Variants in CDH18 observed in about 807,000 individuals in gnomAD.
The protein encoded by CDH18 is cadherin 18.
A neutral mutation model predicts 67.9 loss-of-function variants in CDH18; 31 were observed. The ratio of observed to expected loss-of-function variants is 0.46; its 90% confidence interval spans 0.34 to 0.62. The LOEUF is 0.62. CDH18 is among the 20% of genes least tolerant of loss of function. The pLI is 0.01. For synonymous variants in CDH18, 362 were observed against 347.2 expected, an observed-to-expected ratio of 1.04 and a Z score of -0.48; for missense variants, 890 against 975.5, an observed-to-expected ratio of 0.91 and a Z score of 1.17.
intron 2 of CDH18, among the ~76,000 whole-genome samples, chr5:20,196,418 T>C (rs550001689): frequency 6.6e-6 from 1 of 152,262 alleles, no homozygotes; most frequent in African/African-American, 2.4e-5. Flanking sequence ...GGCTAATATG[T>C]GAGGGATCCA....
intron 1 of CDH18, among the ~76,000 whole-genome samples, chr5:20,286,866 T>C (rs1746733624): frequency 1.3e-5 from 2 of 151,768 alleles, no homozygotes; most frequent in African/African-American, 4.8e-5. Flanking sequence ...AGTGATTGAG[T>C]AAAATAAAAG....
intron 2 of CDH18, among the ~76,000 whole-genome samples, chr5:20,120,464 T>C (rs1748267501): frequency 6.6e-6 from 1 of 152,166 alleles, no homozygotes; most frequent in Non-Finnish European, 1.5e-5. Context: ...TCAAGTATTT[T>C]GTTTAATTGG....
Position 19,473,497 on chromosome 5 carries a change from T to G in CDH18, c.2102A>C (p.His701Pro). 1 of 1,613,752 alleles carries G rather than the reference T, an allele frequency of 6.2e-7. No individual in the cohort carries two copies. The highest frequency in any genetic ancestry group is 2.2e-5 in the East Asian group (1 of 44,852). The change falls in exon 13 of 13, where the codon CAC becomes CCC. Residue 701 changes from histidine (H) to proline (P), a missense_variant. Physicochemically the swap from His to Pro is moderately conservative, Grantham distance 77. Coordinates refer to ENST00000382275, the MANE Select transcript of CDH18 (RefSeq NM_004934.5). ...IRPEVKLTPR[H>P]QTSSTLESID... The stretch of plus-strand genomic sequence containing the variant: ...GCTTTCCAGGGTGGATGATGTCTGG[T>G]GTCTGGGAGTGAGCTTCACTTCAGG...
chr5:20,057,755 A>G (rs1433607595), intron 2 of CDH18, among the ~76,000 whole-genome samples: 3 of 151,956 alleles, frequency 2.0e-5, no homozygotes, highest in East Asian at 3.9e-4. Flanking sequence ...TTTTTTTTCT[A>G]ATTTGTTTCA....
chr5:20,099,555 T>C (rs999911731), intron 2 of CDH18, among the ~76,000 whole-genome samples: 1 of 152,004 alleles, frequency 6.6e-6, no homozygotes, highest in African/African-American at 2.4e-5. Context: ...ATCTATCTAC[T>C]CAGAATTATT....
intron 5 of CDH18, among the ~76,000 whole-genome samples, chr5:19,711,274 C>G (rs1764662475): frequency 6.6e-6 from 1 of 151,950 alleles, no homozygotes; most frequent in Admixed American, 6.6e-5. Context: ...AGCTTCTGCA[C>G]AGCAAATGCA....
At chr5:19,709,158 C>A (rs1433037117) in intron 5 of CDH18, among the ~76,000 whole-genome samples, 1 of 151,876 alleles carries the variant, frequency 6.6e-6, no homozygotes, top group African/African-American at 2.4e-5. Context: ...TTACCACTCA[C>A]CTGGCACTTA....
chr5:20,029,519 G>C (rs1739202318), intron 2 of CDH18, among the ~76,000 whole-genome samples: 1 of 152,090 alleles, frequency 6.6e-6, no homozygotes, highest in African/African-American at 2.4e-5. Flanking sequence ...CAACTTGCAA[G>C]GTTTACAGCA....
chr5:19,612,331 A>C, intron 6 of CDH18, 103 bp downstream of exon 6: 1 of 1,143,696 alleles, frequency 8.7e-7, no homozygotes, highest in South Asian at 1.5e-5. Context: ...AAAACAGAAC[A>C]ATTCCACTTA....
In CDH18 at chr5:20,365,786, C is replaced by A. The variant is rs117644273; in HGVS notation, c.-579-110281G>T. 1.4e-3 allele frequency among the ~76,000 whole-genome samples: 215 copies of A among 152,078 alleles called. 4 individuals are homozygous for A. The South Asian group carries it at 0.041, about 29-fold the overall frequency. The stretch of plus-strand genomic sequence containing the variant: ...AGCCATAATCCTGGTAATCATCAGG[C>A]TTTTTGGTTTCATTTTTTATTTATC... On this transcript the variant is annotated intron_variant, in intron 1 of 14. Transcript: ENST00000507958.
At chr5:20,435,451 A>G (rs940112242) in intron 1 of CDH18, among the ~76,000 whole-genome samples, 1 of 152,028 alleles carries the variant, frequency 6.6e-6, no homozygotes, top group Non-Finnish European at 1.5e-5. Context: ...CATTTCCAGT[A>G]TCTATGCCCC....
chr5:19,713,280 T>C (rs1402826284), intron 5 of CDH18, among the ~76,000 whole-genome samples: 1 of 152,136 alleles, frequency 6.6e-6, no homozygotes, highest in Non-Finnish European at 1.5e-5. Context: ...TACCATTTTA[T>C]AGCGAATTAG....
chr5:19,878,795 C>T (rs1463964303), intron 2 of CDH18, among the ~76,000 whole-genome samples: 1 of 151,974 alleles, frequency 6.6e-6, no homozygotes, highest in Non-Finnish European at 1.5e-5. Flanking sequence ...TAAATGTACT[C>T]TCATACCGGA....
intron 1 of CDH18, among the ~76,000 whole-genome samples, chr5:20,441,903 T>A (rs1377393711): frequency 6.6e-5 from 10 of 151,670 alleles, no homozygotes. Flanking sequence ...ATAAAATGAT[T>A]ATTAAAAATA....
At chr5:19,897,685 ATAGT>A (rs1213953863) in intron 2 of CDH18, among the ~76,000 whole-genome samples, 2 of 152,130 alleles carry the variant, frequency 1.3e-5, no homozygotes, top group African/African-American at 4.8e-5. Context: ...CATCATTTGA[ATAGT>A]TAAATACTCC....
intron 1 of CDH18, among the ~76,000 whole-genome samples, chr5:20,427,080 G>T (rs187445189): frequency 5.3e-5 from 8 of 151,196 alleles, no homozygotes; most frequent in Admixed American, 3.3e-4. Context: ...CAAAATTACA[G>T]CAGTGAAAAC....
At chr5:20,053,452 T>A (rs1210117694) in intron 2 of CDH18, among the ~76,000 whole-genome samples, 2 of 151,988 alleles carry the variant, frequency 1.3e-5, no homozygotes, top group Admixed American at 1.3e-4. Context: ...CATTCTAATC[T>A]CTTTTCCAAA....
intron 2 of CDH18, among the ~76,000 whole-genome samples, chr5:20,089,665 G>GTA (rs1313103134): frequency 6.6e-6 from 1 of 152,144 alleles, no homozygotes; most frequent in East Asian, 1.9e-4. Flanking sequence ...CAAAAGCTGT[G>GTA]TAAAGAAGTA....
chr5:19,584,051 T>G (rs1210985550), intron 7 of CDH18, among the ~76,000 whole-genome samples: 1 of 152,148 alleles, frequency 6.6e-6, no homozygotes, highest in Non-Finnish European at 1.5e-5. Context: ...TTCTGTAAAG[T>G]GTGCAAATAG....
Sources: gnomAD v4.1 joint callset for allele counts (sites outside exome capture counted in the v4.1 genomes callset) on GRCh38, gnomAD v4.1.1 for gene constraint, MANE v1.5 for transcripts, NCBI Gene and HGNC (gene_info 2026-07-23, HGNC 2026-07-21) for gene names.